C4orf51: variants seen among roughly 807,000 people sequenced by gnomAD.
C4orf51 encodes chromosome 4 open reading frame 51.
A neutral mutation model predicts 25.2 loss-of-function variants in C4orf51; 25 were observed. The observed-to-expected ratio is 0.99, with a 90% CI of 0.72 to 1.39. C4orf51 has a LOEUF of 1.39. C4orf51 is among the 40% of genes most tolerant of loss of function. C4orf51 has a pLI of 0.00. For synonymous variants in C4orf51, 100 were observed against 84.5 expected, an observed-to-expected ratio of 1.18 and a Z score of -1.01; for missense variants, 252 against 239.6, an observed-to-expected ratio of 1.05 and a Z score of -0.34.
chr4:145,744,888 G>A (rs960199905), intron 1 of C4orf51, among the ~76,000 whole-genome samples: 2 of 151,638 alleles, frequency 1.3e-5, no homozygotes, highest in African/African-American at 4.8e-5. Flanking sequence ...TTGACGAATA[G>A]TATGGTGATG....
At chr4:145,717,335 T>C (rs1045999963) in intron 2 of C4orf51, among the ~76,000 whole-genome samples, 6 of 152,264 alleles carry the variant, frequency 3.9e-5, no homozygotes, top group African/African-American at 1.4e-4. Flanking sequence ...ATACTCATAA[T>C]GACTGCTTAT....
the C4orf51 span, among the ~76,000 whole-genome samples, chr4:145,780,066 C>T: frequency 1.3e-3 from 198 of 152,322 alleles, 1 homozygote; most frequent in African/African-American, 4.5e-3. Context: ...TGGCGGGTGC[C>T]TGTAATCCCA....
At chr4:145,725,593 C>T (rs1203616827) in intron 2 of C4orf51, among the ~76,000 whole-genome samples, 2 of 113,890 alleles carry the variant, frequency 1.8e-5, no homozygotes, top group Non-Finnish European at 3.4e-5. Context: ...GAACACTATT[C>T]AGCAATTAAA....
chr4:145,740,231 C>T (rs531489744), intron 1 of C4orf51, among the ~76,000 whole-genome samples: 4 of 118,902 alleles, frequency 3.4e-5, no homozygotes, highest in African/African-American at 1.4e-4. Flanking sequence ...AGCTATCTCT[C>T]CCTTTCTGCA....
intron 1 of C4orf51, among the ~76,000 whole-genome samples, chr4:145,687,243 G>A (rs751006165): frequency 2.6e-5 from 4 of 152,176 alleles, no homozygotes; most frequent in Non-Finnish European, 5.9e-5. Context: ...TGACCTGGAA[G>A]TTCCCTCCCC....
intron 2 of C4orf51, among the ~76,000 whole-genome samples, chr4:145,719,513 G>T (rs1186175929): frequency 6.7e-6 from 1 of 149,440 alleles, no homozygotes; most frequent in East Asian, 2.0e-4. Context: ...GCTGAGGCAG[G>T]AGAATGGCGT....
chr4:145,785,224 A>G, the C4orf51 span, among the ~76,000 whole-genome samples: 1 of 152,216 alleles, frequency 6.6e-6, no homozygotes, highest in Non-Finnish European at 1.5e-5. Flanking sequence ...ACTGAGGCCT[A>G]TCATCCATAA....
chr4:145,723,260 TAA>T (rs1731847202), intron 2 of C4orf51, among the ~76,000 whole-genome samples: 1 of 152,190 alleles, frequency 6.6e-6, no homozygotes, highest in Non-Finnish European at 1.5e-5. Flanking sequence ...ACATTTAATC[TAA>T]ATTCTCCTCC....
the C4orf51 span, among the ~76,000 whole-genome samples, chr4:145,776,551 T>A: frequency 6.6e-6 from 1 of 151,596 alleles, no homozygotes; most frequent in African/African-American, 2.4e-5. Flanking sequence ...ATTTTCCTGA[T>A]AAGGTAAGCC....
intron 1 of C4orf51, chr4:145,760,404 T>A (rs1206001867): frequency 6.5e-6 from 1 of 152,982 alleles, no homozygotes; most frequent in African/African-American, 2.4e-5. Flanking sequence ...GTATATAAGC[T>A]TACAAGTGCT....
In C4orf51 at chr4:145,719,394, G is replaced by A. The variant is rs1351428095; in HGVS notation, c.308-7517G>A. Among the ~76,000 whole-genome samples, 6 of 151,922 alleles carry A rather than the reference G, an allele frequency of 3.9e-5. No individual in the cohort carries two copies. In the South Asian group the frequency reaches 8.3e-4, roughly 21 times the overall value. ...GCCGAGGCAGGCGGATCACGAGGTC[G>A]GGAGATCGAGACCATCCTGGCTAAC... On this transcript the variant is annotated intron_variant, in intron 2 of 5. Coordinates refer to ENST00000438731, the MANE Select transcript of C4orf51 (RefSeq NM_001080531.3).
chr4:145,780,293 C>T, the C4orf51 span, among the ~76,000 whole-genome samples: 17 of 152,206 alleles, frequency 1.1e-4, no homozygotes, highest in Admixed American at 6.5e-4. Context: ...AATATGCTTT[C>T]ATTCTCTTTA....
Position 145,761,382 on chromosome 4 carries a change from G to A in C4orf51, n.167-9606G>A, listed in dbSNP as rs1049304017. On this transcript the variant is annotated intron_variant and non_coding_transcript_variant, in intron 1 of 1. Coordinates refer to the C4orf51 transcript ENST00000510096. The surrounding 1 kb of genome is among the most constrained non-coding windows in gnomAD (Gnocchi z 6.8). ...GCCGCTCCCCGGTGTGGACGCGCAC[G>A]TGCTCGATGAGCTTGTTGGCGGTCT... 3.9e-6 allele frequency: 5 copies of A among 1,289,798 alleles called. No individual in the cohort carries two copies. Among genetic ancestry groups the A allele is most frequent in the Non-Finnish European group, 4.0e-6 (4 of 988,888 alleles). 79.9% of individuals were successfully genotyped at this position (1,289,798 alleles called of 1,614,324 possible). A position where few individuals can be genotyped will look rare whatever the true frequency, so the allele number is the denominator to read the frequency against.
chr4:145,769,024 G>A (rs1056942389), intron 1 of C4orf51, among the ~76,000 whole-genome samples: 3 of 148,696 alleles, frequency 2.0e-5, no homozygotes, highest in Non-Finnish European at 4.5e-5. Context: ...AAATTTTCTA[G>A]AGTGACCATA....
chr4:145,751,291 G>A (rs984948931), intron 1 of C4orf51, among the ~76,000 whole-genome samples: 3 of 152,122 alleles, frequency 2.0e-5, no homozygotes, highest in Non-Finnish European at 4.4e-5. Flanking sequence ...TTCTTTGAAA[G>A]GCTTTCCAAT....
At chr4:145,723,042 G>A (rs1285014280) in intron 2 of C4orf51, among the ~76,000 whole-genome samples, 1 of 152,090 alleles carries the variant, frequency 6.6e-6, no homozygotes. Flanking sequence ...TTCAATGTAA[G>A]AATAATAGAA....
chr4:145,726,682 C>T (rs1260786483), intron 2 of C4orf51, among the ~76,000 whole-genome samples: 1 of 152,184 alleles, frequency 6.6e-6, no homozygotes, highest in Non-Finnish European at 1.5e-5. Flanking sequence ...GCTGGGATTA[C>T]AGCCATGAGC....
intron 1 of C4orf51, among the ~76,000 whole-genome samples, chr4:145,689,495 GGAAA>G (rs1390748520): frequency 1.3e-5 from 2 of 151,864 alleles, no homozygotes; most frequent in East Asian, 3.9e-4. Context: ...TAGAAAAATA[GGAAA>G]GAGACTTCAA....
At chr4:145,713,567 A>G (rs968102649) in intron 2 of C4orf51, among the ~76,000 whole-genome samples, 2 of 152,222 alleles carry the variant, frequency 1.3e-5, no homozygotes, top group Admixed American at 6.5e-5. Flanking sequence ...CAACTTTAAT[A>G]GGTGAGGAGT....
Sources: allele counts gnomAD v4.1 joint callset (sites outside exome capture counted in the v4.1 genomes callset), GRCh38; gene constraint gnomAD v4.1.1; non-coding constraint Gnocchi (gnomAD v3.1); transcripts MANE v1.5; gene names NCBI Gene and HGNC (gene_info 2026-07-23, HGNC 2026-07-21).